RELCH: variants seen among roughly 807,000 people sequenced by gnomAD.
RELCH encodes RAB11 binding and LisH domain, coiled-coil and HEAT repeat containing.
In RELCH, 41 loss-of-function variants were observed where a neutral mutation model predicts 150.3. The observed-to-expected ratio is 0.27, with a 90% confidence interval of 0.21 to 0.35. The LOEUF (loss-of-function observed/expected upper bound fraction) is 0.35, where lower values mean the gene tolerates loss of function less well. Among genes scored for constraint, RELCH ranks in the 10% least tolerant of loss-of-function variants. RELCH has a pLI of 1.00. For synonymous variants in RELCH, 478 were observed against 531.8 expected (o/e 0.90, Z 1.39); for missense variants, 1,092 against 1,467.8 (o/e 0.74, Z 4.18).
chr18:62,289,228 C>G (rs1330459318), intron 26 of RELCH, among the ~76,000 whole-genome samples: 1 of 152,140 alleles, frequency 6.6e-6, no homozygotes, highest in African/African-American at 2.4e-5. Flanking sequence ...ACAACAGTCC[C>G]TGTTCAAGTA....
intron 10 of RELCH, among the ~76,000 whole-genome samples, chr18:62,242,503 T>A (rs576907601): frequency 6.6e-6 from 1 of 152,320 alleles, no homozygotes; most frequent in African/African-American, 2.4e-5. Flanking sequence ...ATTTGTGCAT[T>A]AATCTTAATT....
chr18:62,246,339 C>T (rs1380311287), intron 11 of RELCH: 1 of 152,062 alleles, frequency 6.6e-6, no homozygotes, highest in Non-Finnish European at 1.5e-5. Flanking sequence ...AGATTCTGAG[C>T]TACTTTTTAA....
At chr18:62,191,577 C>A (rs1036914484) in intron 1 of RELCH, among the ~76,000 whole-genome samples, 3 of 152,126 alleles carry the variant, frequency 2.0e-5, no homozygotes, top group African/African-American at 4.8e-5. Context: ...TACTCTCCCC[C>A]TCACCCACCA....
chr18:62,231,883 TC>T (rs1221413180), intron 9 of RELCH, among the ~76,000 whole-genome samples: 1 of 152,000 alleles, frequency 6.6e-6, no homozygotes, highest in East Asian at 1.9e-4. Flanking sequence ...ACTCTGGCAA[TC>T]CTCATTATAA....
intron 15 of RELCH, among the ~76,000 whole-genome samples, chr18:62,260,334 G>A (rs1346012285): frequency 6.8e-6 from 1 of 147,246 alleles, no homozygotes; most frequent in Non-Finnish European, 1.5e-5. Flanking sequence ...CCAAAATGAA[G>A]TATCATGTCA....
chr18:62,258,917 G>A (rs566151776), intron 15 of RELCH, among the ~76,000 whole-genome samples: 3 of 152,118 alleles, frequency 2.0e-5, no homozygotes, highest in African/African-American at 7.2e-5. Flanking sequence ...GCACCTTCAT[G>A]GAAGTAACTC....
At position 62,266,821 on chromosome 18, in the gene RELCH, A is replaced by G. The variant is rs935225412; in HGVS notation, c.2680+72A>G. On this transcript the variant is annotated intron_variant, in intron 19 of 28. Coordinates refer to ENST00000644646, the MANE Select transcript of RELCH (RefSeq NM_001346231.2). ...GCAGGAAAAATACTATATTCTCCAT[A>G]TATGTAAATTGTATAAATGAACTAG... is the stretch of plus-strand genomic sequence containing the variant. 5 of 887,484 alleles carry G rather than the reference A, an allele frequency of 5.6e-6. No individual in the cohort carries two copies. In the African/African-American group the frequency reaches 6.9e-5, roughly 12 times the overall value. The allele number at this position is 887,484 out of a possible 1,614,324, so 55.0% of individuals were successfully genotyped here. A position where few individuals can be genotyped will look rare whatever the true frequency, so the allele number is the denominator to read the frequency against.
chr18:62,220,224 T>A (rs1239725067), intron 2 of RELCH, among the ~76,000 whole-genome samples: 1 of 152,082 alleles, frequency 6.6e-6, no homozygotes, highest in African/African-American at 2.4e-5. Context: ...TTCTACTTAA[T>A]CCTACTCAGT....
At chr18:62,278,380 T>A (rs145026256) in intron 22 of RELCH, among the ~76,000 whole-genome samples, 2 of 152,184 alleles carry the variant, frequency 1.3e-5, no homozygotes, top group African/African-American at 4.8e-5. Context: ...TCTTTGTCAT[T>A]TTATTCCTGG....
chr18:62,256,259 A>G (rs1029309594), intron 13 of RELCH, among the ~76,000 whole-genome samples: 4 of 152,036 alleles, frequency 2.6e-5, no homozygotes, highest in African/African-American at 9.7e-5. Flanking sequence ...CATTTTCATG[A>G]AATTGGATGG....
intron 19 of RELCH, among the ~76,000 whole-genome samples, chr18:62,268,311 T>C (rs2043699056): frequency 1.3e-5 from 2 of 152,046 alleles, no homozygotes; most frequent in Non-Finnish European, 2.9e-5. Context: ...AGAACTATGG[T>C]TGCATACTTT....
intron 1 of RELCH, among the ~76,000 whole-genome samples, chr18:62,190,925 G>A (rs547994607): frequency 1.0e-3 from 155 of 152,282 alleles, no homozygotes; most frequent in African/African-American, 3.5e-3. Context: ...TGAGAACTAC[G>A]TCTTTAGATA....
At chr18:62,204,426 T>G (rs1476741224) in intron 1 of RELCH, among the ~76,000 whole-genome samples, 2 of 152,168 alleles carry the variant, frequency 1.3e-5, no homozygotes, top group East Asian at 3.9e-4. Context: ...GCCTCACCCT[T>G]CTGAGCTCAA....
intron 1 of RELCH, among the ~76,000 whole-genome samples, chr18:62,199,382 T>A (rs17069557): frequency 0.098 from 14,895 of 151,960 alleles, 859 homozygotes; most frequent in East Asian, 0.19. Context: ...CTAGATTTTT[T>A]AAAAGATGTT....
chr18:62,230,924 G>A (rs1242809937), intron 8 of RELCH, among the ~76,000 whole-genome samples: 3 of 151,830 alleles, frequency 2.0e-5, no homozygotes, highest in African/African-American at 7.3e-5. Flanking sequence ...ACCACTTTAG[G>A]TTTGATCCAC....
intron 10 of RELCH, among the ~76,000 whole-genome samples, chr18:62,244,025 T>C (rs543464976): frequency 6.6e-6 from 1 of 152,190 alleles, no homozygotes; most frequent in South Asian, 2.1e-4. Flanking sequence ...TGAAAAACAT[T>C]AATGTATTTT....
intron 12 of RELCH, among the ~76,000 whole-genome samples, chr18:62,254,522 T>C (rs2042895706): frequency 6.6e-6 from 1 of 152,176 alleles, no homozygotes; most frequent in Non-Finnish European, 1.5e-5. Context: ...ATTCTACTTT[T>C]GAGGTAACTA....
chr18:62,234,490 T>C (rs1388412712), intron 10 of RELCH, among the ~76,000 whole-genome samples: 56 of 151,910 alleles, frequency 3.7e-4, no homozygotes, highest in Admixed American at 3.7e-3. Context: ...TTTCTCAAGT[T>C]TGATATATAT....
intron 1 of RELCH, among the ~76,000 whole-genome samples, chr18:62,202,098 T>G (rs950577143): frequency 5.3e-5 from 8 of 152,190 alleles, no homozygotes; most frequent in Non-Finnish European, 1.2e-4. Flanking sequence ...AAGTACCTGA[T>G]TATTTGTTTC....
Sources: allele counts gnomAD v4.1 joint callset (sites outside exome capture counted in the v4.1 genomes callset), GRCh38; gene constraint gnomAD v4.1.1; transcripts MANE v1.5; gene names NCBI Gene and HGNC (gene_info 2026-07-23, HGNC 2026-07-21).